Variants in LASP1 observed in about 807,000 individuals in gnomAD.
LASP1 encodes LIM and SH3 protein 1, also known as LIM and SH3 domain protein 1.
Under a neutral mutation model 38.6 loss-of-function variants are expected in LASP1, and 10 were observed. The observed-to-expected ratio is 0.26, with a 90% confidence interval of 0.16 to 0.44. The LOEUF (loss-of-function observed/expected upper bound fraction) is 0.44, where lower values mean the gene tolerates loss of function less well. Among genes scored for constraint, LASP1 ranks in the 20% least tolerant of loss-of-function variants. The probability of loss-of-function intolerance (pLI) is 1.00; values close to 1 mark genes in which losing one functional copy is unlikely to be tolerated. For synonymous variants in LASP1, 132 were observed against 140.8 expected (o/e 0.94, Z 0.44); for missense variants, 243 against 375.7 (o/e 0.65, Z 2.92).
chr17:38,870,342 C>G, intron 1 of LASP1, 84 bp downstream of exon 1: 1 of 1,457,282 alleles, frequency 6.9e-7, no homozygotes, highest in Non-Finnish European at 9.5e-7. Flanking sequence ...GGGTCTTTGC[C>G]GCCTTATCCC....
intron 4 of LASP1, among the ~76,000 whole-genome samples, chr17:38,900,029 C>G (rs1441169746): frequency 6.6e-6 from 1 of 151,626 alleles, no homozygotes; most frequent in Non-Finnish European, 1.5e-5. Context: ...CGCACCCGGC[C>G]ACATTCAGAT....
intron 3 of LASP1, among the ~76,000 whole-genome samples, chr17:38,891,270 G>A (rs1914314457): frequency 2.6e-5 from 4 of 152,226 alleles, no homozygotes; most frequent in South Asian, 2.1e-4. Context: ...AATTTACCAC[G>A]TGGGCAGCGC....
At chr17:38,906,469 C>T (rs1325322688) in intron 4 of LASP1, among the ~76,000 whole-genome samples, 1 of 152,024 alleles carries the variant, frequency 6.6e-6, no homozygotes, top group African/African-American at 2.4e-5. Context: ...GTGGAGGTTG[C>T]AGTGAGCTGA....
Position 38,920,390 on chromosome 17 carries a change from G to A in LASP1, c.*1612G>A, listed in dbSNP as rs980496635. On this transcript the variant is annotated 3_prime_UTR_variant, in exon 7 of 7. Coordinates refer to ENST00000318008, the MANE Select transcript of LASP1 (RefSeq NM_006148.4). ...AAGCACAGCCTCGGGGATGGGGAGG[G>A]AAAGACGGTGCTATATCCAGTTCCT... The A allele has an allele frequency of 4.7e-5, 16 of 342,656 alleles. No individual in the cohort carries two copies. Among genetic ancestry groups the A allele is most frequent in the African/African-American group, 3.0e-4 (15 of 49,684 alleles). The allele number at this position is 342,656 out of a possible 1,614,324, so 21.2% of individuals were successfully genotyped here.
Position 38,905,530 on chromosome 17 carries a change from C to CAAAAA in LASP1, c.357+7027_357+7031dup, listed in dbSNP as rs35515925. ...TGGGCGACAGAGTGAGACTCCATCT[C>CAAAAA]AAAAAAAAAAAAAAAAAAAAGTGTG... is the stretch of plus-strand genomic sequence containing the variant. On this transcript the variant is annotated intron_variant, in intron 4 of 6. Transcript: ENST00000318008. Among the ~76,000 whole-genome samples, 99 of 93,002 alleles carry CAAAAA rather than the reference C, an allele frequency of 1.1e-3. 1 individual carries two copies. Among genetic ancestry groups the CAAAAA allele is most frequent in the Middle Eastern group, 5.9e-3 (1 of 170 alleles). The allele number at this position is 93,002 out of a possible 152,430, so 61.0% of individuals were successfully genotyped here. A position where few individuals can be genotyped will look rare whatever the true frequency, so the allele number is the denominator to read the frequency against.
Position 38,918,918 on chromosome 17 carries a change from G to A in LASP1, c.*140G>A. On this transcript the variant is annotated 3_prime_UTR_variant, in exon 7 of 7. Coordinates refer to ENST00000318008, the MANE Select transcript of LASP1 (RefSeq NM_006148.4). This position sits in a 1 kb window ranked among gnomAD's most constrained non-coding sequence, Gnocchi z 4.4. ...TCCTACCCCTCTTCCAGCTTCTTTT[G>A]CCAACTGAAGCCTTCTTCTGCCACT... The A allele has an allele frequency of 1.1e-6, 1 of 937,870 alleles. No homozygotes were observed. Among genetic ancestry groups the A allele is most frequent in the Non-Finnish European group, 1.6e-6 (1 of 636,332 alleles). 58.1% of individuals were successfully genotyped at this position (937,870 alleles called of 1,614,324 possible). A position where few individuals can be genotyped will look rare whatever the true frequency, so the allele number is the denominator to read the frequency against.
Position 38,920,228 on chromosome 17 carries a change from G to C in LASP1, c.*1450G>C. 2.1e-6 allele frequency: 1 copy of C among 474,618 alleles called. No homozygotes were observed. Among genetic ancestry groups the C allele is most frequent in the Non-Finnish European group, 4.1e-6 (1 of 243,380 alleles). The allele number at this position is 474,618 out of a possible 1,614,324, so 29.4% of individuals were successfully genotyped here. The stretch of plus-strand genomic sequence containing the variant: ...TCCAGGCATATGTTTCCCCATCTCT[G>C]TCTGGGGCTACAGAATAGGGTGGCA... On this transcript the variant is annotated 3_prime_UTR_variant, in exon 7 of 7. Transcript: ENST00000318008.
At chr17:38,917,997 G>A (rs1039927646) in intron 6 of LASP1, among the ~76,000 whole-genome samples, 7 of 152,096 alleles carry the variant, frequency 4.6e-5, no homozygotes, top group South Asian at 2.1e-4. Context: ...AAAATTAGCC[G>A]GGCATGGTGG....
chr17:38,881,403 A>G (rs902010083), intron 2 of LASP1, among the ~76,000 whole-genome samples: 1 of 152,138 alleles, frequency 6.6e-6, no homozygotes, highest in South Asian at 2.1e-4. Context: ...CAGCCTCCCT[A>G]GTAGCTGGGA....
chr17:38,895,462 G>A (rs982057900), intron 3 of LASP1, among the ~76,000 whole-genome samples: 6 of 151,552 alleles, frequency 4.0e-5, no homozygotes, highest in East Asian at 3.9e-4. Flanking sequence ...CTGGGATTAC[G>A]CCCACCACGC....
At chr17:38,910,251 G>C (rs552753933) in intron 4 of LASP1, among the ~76,000 whole-genome samples, 1 of 152,348 alleles carries the variant, frequency 6.6e-6, no homozygotes, top group East Asian at 1.9e-4. Flanking sequence ...GGCCAGGTAG[G>C]AGGTATCTCA....
chr17:38,908,791 G>T lies in LASP1; in HGVS notation c.358-5534G>T, dbSNP rs552725221. On this transcript the variant is annotated intron_variant, in intron 4 of 6. Transcript: ENST00000318008. ...GCCAGCAGGAGCAGCAACCATGCAG[G>T]TGTTTCCAGCTGTTAACGTGTAAGC... Among the ~76,000 whole-genome samples the T allele has an allele frequency of 4.7e-4, 72 of 152,374 alleles. 2 individuals carry two copies. The South Asian group carries it at 0.014, about 30-fold the overall frequency.
intron 4 of LASP1, among the ~76,000 whole-genome samples, chr17:38,911,188 G>A (rs1299109888): frequency 6.6e-6 from 1 of 152,126 alleles, no homozygotes; most frequent in African/African-American, 2.4e-5. Context: ...TGGGGGTGGG[G>A]GACACCACCC....
intron 4 of LASP1, among the ~76,000 whole-genome samples, chr17:38,899,353 T>C (rs1914578232): frequency 6.6e-6 from 1 of 152,156 alleles, no homozygotes; most frequent in South Asian, 2.1e-4. Context: ...AAGGGATCAG[T>C]GAGCTGCCCA....
intron 4 of LASP1, among the ~76,000 whole-genome samples, chr17:38,912,946 A>G (rs940023511): frequency 2.6e-5 from 4 of 152,172 alleles, no homozygotes; most frequent in Non-Finnish European, 4.4e-5. Flanking sequence ...TGATGGAGGT[A>G]GCAGGGGCTC....
Position 38,919,590 on chromosome 17 carries a change from C to T in LASP1, c.*812C>T, listed in dbSNP as rs1915240453. On this transcript the variant is annotated 3_prime_UTR_variant, in exon 7 of 7. Coordinates refer to ENST00000318008, the MANE Select transcript of LASP1 (RefSeq NM_006148.4). The stretch of plus-strand genomic sequence containing the variant: ...CACCCCCAGTCTCCAGGGACCCTTG[C>T]CTGCCTCCTAGGCTGGAAGCCATGG... The T allele has an allele frequency of 7.8e-6, 2 of 257,946 alleles. No homozygotes were observed. The highest frequency in any genetic ancestry group is 1.1e-4 in the East Asian group (2 of 18,510). 16.0% of individuals were successfully genotyped at this position (257,946 alleles called of 1,614,324 possible). A position where few individuals can be genotyped will look rare whatever the true frequency, so the allele number is the denominator to read the frequency against.
chr17:38,914,473 C>CG lies in LASP1; in HGVS notation c.508+1dup. 6.3e-7 allele frequency: 1 copy of CG among 1,598,376 alleles called. No homozygotes were observed. Among genetic ancestry groups the CG allele is most frequent in the Non-Finnish European group, 8.5e-7 (1 of 1,172,862 alleles). On this transcript the variant is annotated frameshift_variant and splice_region_variant, in exon 5 of 7. Transcript: ENST00000318008. LOFTEE classifies it high-confidence loss of function. ...CCTCACCACATCCCGACCAGTGCCC[C>CG]GGGTGAGTGCAGGTCCTGTTGGTGC...
Position 38,870,121 on chromosome 17 carries a change from C to A in LASP1, c.-69C>A. The A allele has an allele frequency of 1.3e-6, 2 of 1,584,920 alleles. No homozygotes were observed. The highest frequency in any genetic ancestry group is 1.7e-6 in the Non-Finnish European group (2 of 1,161,672). ...TGTAGTTGCAGCCGCGGCCGCCTCC[C>A]GCCAGCTCGCCTCGGGGAACAGGAC... On this transcript the variant is annotated 5_prime_UTR_variant, in exon 1 of 7. Transcript: ENST00000318008.
chr17:38,879,242 G>A (rs977473459), intron 2 of LASP1, among the ~76,000 whole-genome samples: 1 of 132,350 alleles, frequency 7.6e-6, no homozygotes, highest in Non-Finnish European at 1.5e-5. Context: ...TGCAACCTCC[G>A]CCTCTTGGAT....
Sources: gnomAD v4.1 joint callset for allele counts (sites outside exome capture counted in the v4.1 genomes callset) on GRCh38, gnomAD v4.1.1 for gene constraint, Gnocchi (gnomAD v3.1) non-coding constraint, MANE v1.5 for transcripts, NCBI Gene and HGNC (gene_info 2026-07-23, HGNC 2026-07-21) for gene names.